VAMP7: variants seen among roughly 807,000 people sequenced by gnomAD.
VAMP7 encodes the protein vesicle associated membrane protein 7.
A neutral mutation model predicts 29.6 loss-of-function variants in VAMP7; 14 were observed. The observed-to-expected ratio is 0.47, with a 90% CI of 0.31 to 0.74. The LOEUF (loss-of-function observed/expected upper bound fraction) is 0.74. VAMP7 is among the 30% of genes least tolerant of loss of function. The pLI is 0.05. For missense variants in VAMP7, 223 were observed against 262.4 expected, an observed-to-expected ratio of 0.85 and a Z score of 1.04; for synonymous variants, 95 against 88.1, an observed-to-expected ratio of 1.08 and a Z score of -0.44.
At chrX:155,925,000 T>C (rs1053558660) in intron 6 of VAMP7, among the ~76,000 whole-genome samples, 13 of 152,344 alleles carry the variant, frequency 8.5e-5, no homozygotes, top group African/African-American at 2.6e-4. Flanking sequence ...TCCTTGCCCA[T>C]GCATAAGAAA....
At chrX:155,936,647 C>T (rs1470077724) in intron 6 of VAMP7, among the ~76,000 whole-genome samples, 4 of 152,282 alleles carry the variant, frequency 2.6e-5, no homozygotes, top group South Asian at 2.1e-4. Context: ...TTGTGCTTCC[C>T]GGGTGAGGCG....
At chrX:155,930,037 C>A (rs2124379790) in intron 6 of VAMP7, among the ~76,000 whole-genome samples, 1 of 152,266 alleles carries the variant, frequency 6.6e-6, no homozygotes, top group Admixed American at 6.5e-5. Context: ...TGGGAAGATA[C>A]CAAATGTAGA....
intron 6 of VAMP7, among the ~76,000 whole-genome samples, chrX:155,935,459 A>G (rs189870179): frequency 1.8e-3 from 274 of 152,244 alleles, no homozygotes; most frequent in African/African-American, 6.3e-3. Flanking sequence ...TTGGTCTTCA[A>G]TCACGGATAC....
chrX:155,934,941 A>T (rs1201776441), intron 6 of VAMP7, among the ~76,000 whole-genome samples: 1 of 152,032 alleles, frequency 6.6e-6, no homozygotes, highest in African/African-American at 2.4e-5. Flanking sequence ...AAAGGATTTT[A>T]TTTTTCCTTC....
At chrX:155,921,160 T>G (rs1490836445) in intron 6 of VAMP7, among the ~76,000 whole-genome samples, 1 of 152,176 alleles carries the variant, frequency 6.6e-6, no homozygotes, top group Non-Finnish European at 1.5e-5. Context: ...GTATGATCTG[T>G]ACTTTACAAA....
At chrX:155,898,636 C>T (rs1319777243) in intron 4 of VAMP7, among the ~76,000 whole-genome samples, 2 of 151,984 alleles carry the variant, frequency 1.3e-5, no homozygotes, top group South Asian at 2.1e-4. Flanking sequence ...TGAAACTCTC[C>T]TCATCTGTAT....
At position 155,907,917 on chromosome X, in the gene VAMP7, G is replaced by C. The variant is rs1425240416; in HGVS notation, c.433+7330G>C. Among the ~76,000 whole-genome samples, 8 of 152,266 alleles carry C rather than the reference G, an allele frequency of 5.3e-5. 1 individual carries two copies. The highest frequency in any genetic ancestry group is 1.9e-4 in the African/African-American group (8 of 41,564). The stretch of plus-strand genomic sequence containing the variant: ...GGGCAGCGACGCTCCTCACCTCCCA[G>C]AAGGGGCGGCGGGGCAGAGGCGCTC... On this transcript the variant is annotated intron_variant, in intron 5 of 7. Transcript: ENST00000286448.
At chrX:155,909,164 C>T (rs767286949) in intron 5 of VAMP7, among the ~76,000 whole-genome samples, 1 of 152,234 alleles carries the variant, frequency 6.6e-6, no homozygotes, top group South Asian at 2.1e-4. Flanking sequence ...TCTATGCTTG[C>T]TGTAGCTATT....
intron 1 of VAMP7, among the ~76,000 whole-genome samples, chrX:155,887,436 G>A (rs1169480051): frequency 1.3e-5 from 2 of 152,082 alleles, no homozygotes; most frequent in Non-Finnish European, 2.9e-5. Flanking sequence ...AGGAGGGTCG[G>A]TCAGCAGTGT....
At chrX:155,919,144 A>G (rs190677055) in intron 5 of VAMP7, among the ~76,000 whole-genome samples, 3 of 152,212 alleles carry the variant, frequency 2.0e-5, no homozygotes, top group Non-Finnish European at 4.4e-5. Flanking sequence ...GCATAGTTTG[A>G]GAAGTGATAT....
chrX:155,940,260 G>A (rs1284377886), intron 7 of VAMP7, among the ~76,000 whole-genome samples: 2 of 152,034 alleles, frequency 1.3e-5, no homozygotes, highest in African/African-American at 2.4e-5. Context: ...CTAACAGGTG[G>A]GGGGTGCTTT....
Position 155,889,362 on chromosome X carries a change from T to C in VAMP7, c.-9-96T>C, listed in dbSNP as rs181402751. 1.9e-3 allele frequency: 2,745 copies of C among 1,479,818 alleles called. 47 individuals are homozygous for C. The African/African-American group carries it at 0.035, about 19-fold the overall frequency. 91.7% of individuals were successfully genotyped at this position (1,479,818 alleles called of 1,614,324 possible). The stretch of plus-strand genomic sequence containing the variant: ...CATGTTATAGTGCCTCGTTAGATAC[T>C]ATCTCCAGGTAGTATGTTGATAAAT... On this transcript the variant is annotated intron_variant, in intron 1 of 7. Coordinates refer to ENST00000286448, the MANE Select transcript of VAMP7 (RefSeq NM_005638.6).
intron 6 of VAMP7, among the ~76,000 whole-genome samples, chrX:155,932,055 C>A (rs1354495506): frequency 6.6e-6 from 1 of 151,972 alleles, no homozygotes; most frequent in African/African-American, 2.4e-5. Flanking sequence ...CTGTTCTGTT[C>A]CATTGGTCTA....
chrX:155,904,639 A>G lies in VAMP7; in HGVS notation c.433+4052A>G, dbSNP rs1008096973. Among the ~76,000 whole-genome samples, 6 of 151,974 alleles carry G rather than the reference A, an allele frequency of 3.9e-5. No homozygotes were observed. In the East Asian group the frequency reaches 1.2e-3, roughly 29 times the overall value. ...AACAATTAATTCCCTTTTCTTCTTCATAAATTTGCCTATTCTGGACATTTC... is the reference window on the plus strand; with the variant it reads ...AACAATTAATTCCCTTTTCTTCTTCGTAAATTTGCCTATTCTGGACATTTC... On this transcript the variant is annotated intron_variant, in intron 5 of 7. Transcript: ENST00000286448.
At chrX:155,904,813 C>G (rs1276102194) in intron 5 of VAMP7, among the ~76,000 whole-genome samples, 2 of 151,142 alleles carry the variant, frequency 1.3e-5, no homozygotes, top group African/African-American at 4.9e-5. Context: ...TTTTATGTAT[C>G]TACTCATTAG....
In VAMP7 at chrX:155,939,690, C is replaced by T. The variant is rs371966360; in HGVS notation, c.502-11C>T. On this transcript the variant is annotated splice_polypyrimidine_tract_variant and intron_variant, in intron 6 of 7. Coordinates refer to ENST00000286448, the MANE Select transcript of VAMP7 (RefSeq NM_005638.6). ...GTGCCAGGGGTTAAACAATTCTCGC[C>T]TCTTTTCTAGTCTGTCACCTTCAAA... 26 of 1,610,470 alleles carry T rather than the reference C, an allele frequency of 1.6e-5. No individual in the cohort carries two copies. The highest frequency in any genetic ancestry group is 2.1e-5 in the Non-Finnish European group (25 of 1,176,898).
rs931210339 is a variant in VAMP7 at position 155,904,098 on chromosome X, C to T, written c.433+3511C>T. Among the ~76,000 whole-genome samples, 40 of 150,544 alleles carry T rather than the reference C, an allele frequency of 2.7e-4. No homozygotes were observed. The East Asian group carries it at 3.2e-3, about 12-fold the overall frequency. ...GAAATCCTCATTCTCAGTAAACTAT[C>T]GCAAGAACAAAAAACCAAACACCGC... is the stretch of plus-strand genomic sequence containing the variant. On this transcript the variant is annotated intron_variant, in intron 5 of 7. Transcript: ENST00000286448.
chrX:155,882,993 T>A (rs1461996346), intron 1 of VAMP7, among the ~76,000 whole-genome samples: 3 of 152,222 alleles, frequency 2.0e-5, no homozygotes, highest in African/African-American at 7.2e-5. Flanking sequence ...AGACATTTCC[T>A]GAGCAATTGC....
At chrX:155,939,871 A>G (rs2066718419) in intron 7 of VAMP7, 78 bp downstream of exon 7, 4 of 1,194,824 alleles carry the variant, frequency 3.3e-6, no homozygotes, top group African/African-American at 1.5e-5. Flanking sequence ...TTTCTCAATG[A>G]TTAACACTCT....
Sources: allele counts gnomAD v4.1 joint callset (sites outside exome capture counted in the v4.1 genomes callset), GRCh38; gene constraint gnomAD v4.1.1; transcripts MANE v1.5; gene names NCBI Gene and HGNC (gene_info 2026-07-23, HGNC 2026-07-21).